The following PDPN variants were observed in gnomAD, a reference collection of about 807,000 sequenced individuals.
PDPN encodes the protein podoplanin, also known as PA2.26 antigen.
In PDPN, 12 loss-of-function variants were observed where a neutral mutation model predicts 23.2. That is an observed-to-expected ratio of 0.52 (90% CI 0.33 to 0.84). The LOEUF is 0.84. Among genes scored for constraint, PDPN ranks in the 40% least tolerant of loss-of-function variants. PDPN has a pLI of 0.02. For synonymous variants in PDPN, 77 were observed against 76.7 expected (o/e 1.00, Z -0.02); for missense variants, 199 against 212.2 (o/e 0.94, Z 0.39).
chr1:13,589,060 A>C (rs1223084581), intron 1 of PDPN, among the ~76,000 whole-genome samples: 2 of 120,100 alleles, frequency 1.7e-5, no homozygotes, highest in African/African-American at 6.9e-5. Context: ...GAACAAGGCA[A>C]ACCCCATCCC....
rs1641070512 is a variant in PDPN at position 13,616,224 on chromosome 1, G to A, written c.*313G>A. 1 of 435,800 alleles carries A rather than the reference G, an allele frequency of 2.3e-6. No individual in the cohort carries two copies. Among genetic ancestry groups the A allele is most frequent in the African/African-American group, 2.0e-5 (1 of 50,468 alleles). The allele number at this position is 435,800 out of a possible 1,614,324, so 27.0% of individuals were successfully genotyped here. A position where few individuals can be genotyped will look rare whatever the true frequency, so the allele number is the denominator to read the frequency against. The stretch of plus-strand genomic sequence containing the variant: ...GATTTGTAACTAACACTGGACCATT[G>A]GATCGATATTATATGCTGTAACCAT... On this transcript the variant is annotated 3_prime_UTR_variant, in exon 6 of 6. Coordinates refer to ENST00000621990, the MANE Select transcript of PDPN (RefSeq NM_006474.5).
intron 2 of PDPN, 129 bp downstream of exon 2, chr1:13,607,435 G>A: frequency 1.7e-6 from 1 of 579,394 alleles, no homozygotes; most frequent in East Asian, 3.5e-5. Context: ...ACCATACCAA[G>A]GAATAGTTAC....
chr1:13,599,011 C>CTTTTTTTTTTTTT (rs35244657), intron 1 of PDPN, among the ~76,000 whole-genome samples: 24 of 127,052 alleles, frequency 1.9e-4, no homozygotes, highest in African/African-American at 5.9e-4. Context: ...GCCCCCCCTC[C>CTTTTTTTTTTTTT]TTTTTTTTTT....
intron 1 of PDPN, among the ~76,000 whole-genome samples, chr1:13,600,949 G>A (rs535281326): frequency 1.1e-4 from 17 of 152,206 alleles, no homozygotes; most frequent in African/African-American, 2.9e-4. Flanking sequence ...CCACCACAGC[G>A]CTGTTGTGAA....
intron 1 of PDPN, among the ~76,000 whole-genome samples, chr1:13,593,009 A>G (rs1367375453): frequency 2.6e-5 from 4 of 152,300 alleles, no homozygotes; most frequent in Admixed American, 2.6e-4. Flanking sequence ...TAAGTTTTGA[A>G]ATGGAAGTAT....
Position 13,617,151 on chromosome 1 carries a change from C to T in PDPN, c.*1240C>T. The T allele has an allele frequency of 9.5e-6, 1 of 105,604 alleles. No homozygotes were observed. Among genetic ancestry groups the T allele is most frequent in the Non-Finnish European group, 2.0e-5 (1 of 51,118 alleles). The allele number at this position is 105,604 out of a possible 1,614,324, so 6.5% of individuals were successfully genotyped here. A position where few individuals can be genotyped will look rare whatever the true frequency, so the allele number is the denominator to read the frequency against. On this transcript the variant is annotated 3_prime_UTR_variant, in exon 6 of 6. Coordinates refer to ENST00000621990, the MANE Select transcript of PDPN (RefSeq NM_006474.5). ...GCCTGGCACTTCTCTTCCCATATAT[C>T]CATTGGATTTTTTTTTTTTTTTCCT... is the stretch of plus-strand genomic sequence containing the variant.
chr1:13,613,869 GCTTT>G, intron 4 of PDPN, 144 bp downstream of exon 4: 1 of 241,714 alleles, frequency 4.1e-6, no homozygotes, highest in Non-Finnish European at 7.4e-6. Flanking sequence ...CAGATTTCAA[GCTTT>G]TTTTTTTTTT....
rs145319958 is a variant in PDPN at position 13,610,425 on chromosome 1, C to T, written c.240C>T (p.Ile80=). The change falls in exon 3 of 6, where the codon ATC becomes ATT. Residue 80 remains isoleucine (I), a synonymous_variant. Transcript: ENST00000621990. The part of the protein sequence containing the change: ...TSVNSVTGIR[I]EDLPTSESTV... ...TCAACAGTGTAACAGGCATTCGCAT[C>T]GAGGATCTGCCAACTTCAGAAAGCA... 16 of 1,613,748 alleles carry T rather than the reference C, an allele frequency of 9.9e-6. No individual in the cohort carries two copies. Among genetic ancestry groups the T allele is most frequent in the East Asian group, 4.5e-5 (2 of 44,868 alleles).
rs1557531617 is a variant in PDPN at position 13,584,112 on chromosome 1, C to T, written c.67+12C>T. On this transcript the variant is annotated intron_variant, in intron 1 of 5. Coordinates refer to ENST00000621990, the MANE Select transcript of PDPN (RefSeq NM_006474.5). ...CCTGGCAGAAGGAGGTAAGACCCAG[C>T]GCAAGTGGCTTCCTGCCGTCGCTGA... 3 of 1,612,040 alleles carry T rather than the reference C, an allele frequency of 1.9e-6. No homozygotes were observed. Among genetic ancestry groups the T allele is most frequent in the Non-Finnish European group, 2.5e-6 (3 of 1,179,272 alleles).
rs1640150364 is a variant in PDPN, at chr1:13,585,436, A to T, written c.67+1336A>T. The T allele has an allele frequency of 4.0e-6, 5 of 1,249,066 alleles. No individual in the cohort carries two copies. In the East Asian group the frequency reaches 2.4e-4, roughly 60 times the overall value. 77.4% of individuals were successfully genotyped at this position (1,249,066 alleles called of 1,614,324 possible). A position where few individuals can be genotyped will look rare whatever the true frequency, so the allele number is the denominator to read the frequency against. On this transcript the variant is annotated intron_variant, in intron 1 of 5. Transcript: ENST00000621990. ...CTTCTCTTTCCACTGGAATATATAC[A>T]GTTCTGTATTTTCAGTTACATTTCC...
intron 2 of PDPN, among the ~76,000 whole-genome samples, chr1:13,608,320 T>C (rs963563209): frequency 3.3e-5 from 5 of 152,130 alleles, no homozygotes; most frequent in African/African-American, 1.2e-4. Context: ...TTGGGAGGGA[T>C]TGAGGAGGTC....
chr1:13,584,557 C>T (rs894658840), intron 1 of PDPN, among the ~76,000 whole-genome samples: 3 of 152,260 alleles, frequency 2.0e-5, no homozygotes, highest in East Asian at 3.9e-4. Flanking sequence ...GGTTCCCCGC[C>T]CTGCGGTGGC....
chr1:13,595,017 G>GA (rs148184405), intron 1 of PDPN, among the ~76,000 whole-genome samples: 9,062 of 142,682 alleles, frequency 0.064, 366 homozygotes, highest in East Asian at 0.23. Flanking sequence ...AAGAAAGAAA[G>GA]AAAAAAAAAA....
At chr1:13,600,248 G>A (rs1375573659) in intron 1 of PDPN, among the ~76,000 whole-genome samples, 1 of 152,194 alleles carries the variant, frequency 6.6e-6, no homozygotes, top group East Asian at 1.9e-4. Flanking sequence ...AAAGCTGCCG[G>A]GAGAGCACAT....
chr1:13,604,765 T>A (rs960974895), intron 1 of PDPN, among the ~76,000 whole-genome samples: 3 of 152,222 alleles, frequency 2.0e-5, no homozygotes, highest in Non-Finnish European at 2.9e-5. Context: ...GTAAGTTTTT[T>A]AATAAGGACT....
At chr1:13,598,720 C>T (rs891316687) in intron 1 of PDPN, among the ~76,000 whole-genome samples, 8 of 152,278 alleles carry the variant, frequency 5.3e-5, no homozygotes, top group East Asian at 1.9e-4. Flanking sequence ...TCCTCCCTCC[C>T]GTGCAGCGCC....
At chr1:13,604,500 G>A (rs137934850) in intron 1 of PDPN, among the ~76,000 whole-genome samples, 3 of 152,292 alleles carry the variant, frequency 2.0e-5, no homozygotes, top group South Asian at 4.1e-4. Context: ...ACTTGGCTCT[G>A]TGGGCCAAGG....
intron 5 of PDPN, chr1:13,614,659 C>T (rs1641022052): frequency 2.2e-6 from 1 of 447,480 alleles, no homozygotes; most frequent in Admixed American, 3.4e-5. Context: ...CAGTGGCTCA[C>T]ACCTGGAATC....
intron 1 of PDPN, among the ~76,000 whole-genome samples, chr1:13,589,479 C>G (rs992806909): frequency 3.3e-5 from 5 of 152,214 alleles, no homozygotes; most frequent in African/African-American, 1.2e-4. Context: ...AATATAATAA[C>G]AGCTAGCGTT....
Sources: gnomAD v4.1 joint callset for allele counts (sites outside exome capture counted in the v4.1 genomes callset) on GRCh38, gnomAD v4.1.1 for gene constraint, MANE v1.5 for transcripts, NCBI Gene and HGNC (gene_info 2026-07-23, HGNC 2026-07-21) for gene names.